Variants in SLCO6A1 observed in about 807,000 individuals in gnomAD.
The protein encoded by SLCO6A1 is cancer/testis antigen 48.
A neutral mutation model predicts 72.7 loss-of-function variants in SLCO6A1; 65 were observed. The ratio of observed to expected loss-of-function variants is 0.89; its 90% CI spans 0.73 to 1.10. SLCO6A1 has a LOEUF of 1.10. SLCO6A1 is among the 50% of genes least tolerant of loss of function. The probability of loss-of-function intolerance (pLI) is 0.00; values close to 1 mark genes in which losing one functional copy is unlikely to be tolerated. For missense variants in SLCO6A1, 874 were observed against 872.6 expected (o/e 1.00, Z -0.02); for synonymous variants, 314 against 298.2 (o/e 1.05, Z -0.55).
At chr5:102,479,683 C>T (rs532456931) in intron 2 of SLCO6A1, among the ~76,000 whole-genome samples, 1 of 152,124 alleles carries the variant, frequency 6.6e-6, no homozygotes, top group African/African-American at 2.4e-5. Context: ...CATGCAAAAC[C>T]ATGGTAAAAC....
At chr5:102,479,227 G>A (rs79294300) in intron 2 of SLCO6A1, among the ~76,000 whole-genome samples, 4 of 152,044 alleles carry the variant, frequency 2.6e-5, no homozygotes, top group Admixed American at 6.6e-5. Flanking sequence ...CACTCCCCAC[G>A]TTGCTCACTC....
rs201874633 is a variant in SLCO6A1, at chr5:102,461,579, G to C, written c.900-1802C>G. 8.6e-5 allele frequency among the ~76,000 whole-genome samples: 13 copies of C among 151,214 alleles called. No individual in the cohort carries two copies. The East Asian group carries it at 2.1e-3, about 25-fold the overall frequency. On this transcript the variant is annotated intron_variant, in intron 4 of 13. Coordinates refer to ENST00000506729, the MANE Select transcript of SLCO6A1 (RefSeq NM_173488.5). ...GGCATGGGAATAGAAATGTTTGTCA[G>C]GGAATAGATTAAATGAGACAAGAAG...
At chr5:102,484,304 G>C (rs559384416) in intron 1 of SLCO6A1, among the ~76,000 whole-genome samples, 109 of 152,220 alleles carry the variant, frequency 7.2e-4, no homozygotes, top group Non-Finnish European at 1.4e-3. Flanking sequence ...TCGTTAGTTT[G>C]TTTTGTTTTG....
chr5:102,394,474 C>T (rs1273599275), intron 10 of SLCO6A1, among the ~76,000 whole-genome samples: 1 of 151,692 alleles, frequency 6.6e-6, no homozygotes, highest in African/African-American at 2.4e-5. Context: ...GTAAGGTTAC[C>T]TATATCATAT....
At chr5:102,494,202 T>G (rs1319577764) in intron 1 of SLCO6A1, among the ~76,000 whole-genome samples, 1 of 152,092 alleles carries the variant, frequency 6.6e-6, no homozygotes, top group African/African-American at 2.4e-5. Context: ...TTCAATAAAC[T>G]ATACTGGAAT....
intron 12 of SLCO6A1, among the ~76,000 whole-genome samples, chr5:102,378,038 T>A (rs9327850): frequency 0.64 from 96,549 of 151,216 alleles, 31,026 homozygotes; most frequent in African/African-American, 0.66. Flanking sequence ...TTATTTTCTT[T>A]TAATAAACAA....
rs368058114 is a variant in SLCO6A1 at position 102,492,849 on chromosome 5, G to A, written c.358+5638C>T. 7.2e-5 allele frequency among the ~76,000 whole-genome samples: 11 copies of A among 152,302 alleles called. No individual in the cohort carries two copies. The East Asian group carries it at 7.7e-4, about 11-fold the overall frequency. On this transcript the variant is annotated intron_variant, in intron 1 of 13. Transcript: ENST00000506729. ...CAACGAGGCTGGGGAAGGGGTGCTCGCCATTGCTGAGGCTTGAGTAGGTAA... is the reference window on the plus strand; with the variant it reads ...CAACGAGGCTGGGGAAGGGGTGCTCACCATTGCTGAGGCTTGAGTAGGTAA...
intron 12 of SLCO6A1, among the ~76,000 whole-genome samples, chr5:102,386,696 G>C (rs915732014): frequency 2.6e-5 from 4 of 152,138 alleles, no homozygotes; most frequent in African/African-American, 9.7e-5. Flanking sequence ...CAGGATTGGG[G>C]GCATAGTCTG....
intron 8 of SLCO6A1, among the ~76,000 whole-genome samples, chr5:102,419,056 AGC>A (rs1748445860): frequency 6.6e-6 from 1 of 152,030 alleles, no homozygotes; most frequent in South Asian, 2.1e-4. Context: ...CCAAATTCTC[AGC>A]TTGTTGCCAA....
At chr5:102,471,074 A>G (rs1187839785) in intron 4 of SLCO6A1, among the ~76,000 whole-genome samples, 1 of 151,656 alleles carries the variant, frequency 6.6e-6, no homozygotes, top group Non-Finnish European at 1.5e-5. Context: ...TGTTGTAATG[A>G]TTTCTCCACG....
intron 4 of SLCO6A1, among the ~76,000 whole-genome samples, chr5:102,466,749 T>A (rs944334338): frequency 1.3e-5 from 2 of 152,206 alleles, no homozygotes; most frequent in Non-Finnish European, 2.9e-5. Context: ...GCGGTTTTGA[T>A]TTGCATTTCT....
intron 3 of SLCO6A1, among the ~76,000 whole-genome samples, chr5:102,477,338 G>T: frequency 6.6e-6 from 1 of 152,112 alleles, no homozygotes; most frequent in African/African-American, 2.4e-5. Context: ...TGGCCAGGCT[G>T]GTTTTGAACT....
chr5:102,373,140 T>C (rs1750714656), intron 13 of SLCO6A1, among the ~76,000 whole-genome samples, 197 bp downstream of exon 13: 1 of 151,942 alleles, frequency 6.6e-6, no homozygotes, highest in Non-Finnish European at 1.5e-5. Context: ...TTATCTTTCA[T>C]TGAAAGTATT....
intron 4 of SLCO6A1, among the ~76,000 whole-genome samples, chr5:102,468,590 CTT>C (rs949182038): frequency 6.6e-6 from 1 of 151,970 alleles, no homozygotes; most frequent in Non-Finnish European, 1.5e-5. Context: ...TAATATCCCT[CTT>C]TGTCTTTTTT....
intron 9 of SLCO6A1, among the ~76,000 whole-genome samples, chr5:102,410,248 G>A (rs1747901844): frequency 6.6e-6 from 1 of 152,064 alleles, no homozygotes; most frequent in African/African-American, 2.4e-5. Flanking sequence ...GCTCCTCTCT[G>A]CAACTGGTCA....
At chr5:102,398,685 G>C (rs891686199) in intron 10 of SLCO6A1, among the ~76,000 whole-genome samples, 1 of 152,038 alleles carries the variant, frequency 6.6e-6, no homozygotes, top group East Asian at 1.9e-4. Context: ...ATGTGAATTG[G>C]GCCCTTACCT....
chr5:102,492,011 C>G (rs1171566654), intron 1 of SLCO6A1, among the ~76,000 whole-genome samples: 6 of 152,254 alleles, frequency 3.9e-5, no homozygotes, highest in African/African-American at 1.4e-4. Context: ...GCAGTCACAT[C>G]TTACATGGCC....
chr5:102,471,905 T>C (rs958423080), intron 4 of SLCO6A1, among the ~76,000 whole-genome samples: 11 of 152,232 alleles, frequency 7.2e-5, no homozygotes, highest in African/African-American at 2.6e-4. Context: ...CAGCCCTGAA[T>C]GTCATTGGAA....
intron 4 of SLCO6A1, among the ~76,000 whole-genome samples, chr5:102,473,155 C>T (rs1404556498): frequency 1.3e-5 from 2 of 151,908 alleles, no homozygotes; most frequent in East Asian, 1.9e-4. Context: ...AATACTGAAC[C>T]TAGAAAAAGA....
Sources: gnomAD v4.1 joint callset for allele counts (sites outside exome capture counted in the v4.1 genomes callset) on GRCh38, gnomAD v4.1.1 for gene constraint, MANE v1.5 for transcripts, NCBI Gene and HGNC (gene_info 2026-07-23, HGNC 2026-07-21) for gene names.